The following DPP8 variants were observed in gnomAD, a reference collection of about 807,000 sequenced individuals.
The protein encoded by DPP8 is DPP VIII.
Under a neutral mutation model 107.5 loss-of-function variants are expected in DPP8, and 31 were observed. The observed-to-expected ratio is 0.29, with a 90% CI of 0.22 to 0.39. The LOEUF is 0.39. DPP8 is among the 10% of genes least tolerant of loss of function. DPP8 has a pLI of 1.00. For synonymous variants in DPP8, 381 were observed against 356.6 expected, an observed-to-expected ratio of 1.07 and a Z score of -0.77; for missense variants, 842 against 1,076.1, an observed-to-expected ratio of 0.78 and a Z score of 3.04.
Position 65,490,175 on chromosome 15 carries a change from T to G in DPP8, c.826+14A>C. 5 of 1,305,918 alleles carry G rather than the reference T, an allele frequency of 3.8e-6. No individual in the cohort carries two copies. The highest frequency in any genetic ancestry group is 5.6e-6 in the Non-Finnish European group (5 of 900,020). The allele number at this position is 1,305,918 out of a possible 1,614,324, so 80.9% of individuals were successfully genotyped here. ...TTTAATTGACCCATAATATATTATT[T>G]TGAACCCCCTTACTTGTTTCAGCTT... On this transcript the variant is annotated intron_variant, in intron 6 of 19. Transcript: ENST00000300141.
chr15:65,507,457 G>A (rs1039424384), intron 2 of DPP8, 102 bp from the exon 3 acceptor site: 1 of 656,064 alleles, frequency 1.5e-6, no homozygotes, highest in Non-Finnish European at 2.6e-6. Context: ...GCAATATTTT[G>A]CACTCTATGG....
chr15:65,474,909 A>G (rs2066245588), intron 11 of DPP8, among the ~76,000 whole-genome samples: 1 of 152,262 alleles, frequency 6.6e-6, no homozygotes, highest in Non-Finnish European at 1.5e-5. Context: ...AAACAGCAAA[A>G]GAGATTTTTT....
intron 5 of DPP8, among the ~76,000 whole-genome samples, chr15:65,492,045 G>T (rs1458001345): frequency 6.8e-6 from 1 of 146,886 alleles, no homozygotes; most frequent in African/African-American, 2.5e-5. Context: ...TTATTACTGT[G>T]TAAGAATTTT....
intron 1 of DPP8, chr15:65,515,876 T>C (rs1164429140): frequency 5.3e-6 from 3 of 563,670 alleles, no homozygotes; most frequent in Admixed American, 6.9e-5. Context: ...CCCAAAATAG[T>C]AGTTAAAACT....
At chr15:65,450,905 C>A (rs920521727) in intron 19 of DPP8, 94 bp downstream of exon 19, 2 of 778,698 alleles carry the variant, frequency 2.6e-6, no homozygotes, top group African/African-American at 3.5e-5. Flanking sequence ...GGTGGACACT[C>A]TAAAAATCTG....
chr15:65,458,604 G>A (rs1458912601), intron 15 of DPP8: 1 of 152,126 alleles, frequency 6.6e-6, no homozygotes, highest in Non-Finnish European at 1.5e-5. Flanking sequence ...ATAATGGAAA[G>A]TTTAAGGAAC....
At position 65,456,438 on chromosome 15, in the gene DPP8, T is replaced by C. The variant is rs1345901511; in HGVS notation, c.1972-67A>G. 7 of 1,467,744 alleles carry C rather than the reference T, an allele frequency of 4.8e-6. No homozygotes were observed. The African/African-American group carries it at 5.7e-5, about 12-fold the overall frequency. 90.9% of individuals were successfully genotyped at this position (1,467,744 alleles called of 1,614,324 possible). Reference sequence around the variant, plus strand: ...ATAAAAACCCAAGAGCGGCTGGGCATTGCAAGAAATAGAAAGCTTAATTTC... The same window carrying C: ...ATAAAAACCCAAGAGCGGCTGGGCACTGCAAGAAATAGAAAGCTTAATTTC... On this transcript the variant is annotated intron_variant, in intron 15 of 19. Coordinates refer to ENST00000300141, the MANE Select transcript of DPP8 (RefSeq NM_130434.5).
rs145976889 is a variant in DPP8 at position 65,454,398 on chromosome 15, G to A, written c.2136C>T (p.Asp712=). 210 of 1,595,218 alleles carry A rather than the reference G, an allele frequency of 1.3e-4. No individual in the cohort carries two copies. Among genetic ancestry groups the A allele is most frequent in the Middle Eastern group, 5.0e-4 (3 of 6,030 alleles). ...GATATTGGAGTCCTTCCACCTGATC[G>A]TCAATTTCTATTTGACCCTGTCAAA... ...FKYKMGQIEI[D]DQVEGLQYLA... Residue 712 remains aspartate, a synonymous_variant, in exon 17 of 20, where the codon GAC becomes GAT. Transcript: ENST00000300141.
rs1480498009 is a variant in DPP8, at chr15:65,446,311, AG to A, written c.*572del. 1 of 152,522 alleles carries A rather than the reference AG, an allele frequency of 6.6e-6. No homozygotes were observed. Among genetic ancestry groups the A allele is most frequent in the Admixed American group, 6.6e-5 (1 of 15,254 alleles). 9.4% of individuals were successfully genotyped at this position (152,522 alleles called of 1,614,324 possible). ...GGTCAGTGCCAAAACAAGTGTCTTT[AG>A]GAGGCCACTAAGTTATCCTTGAAAA... On this transcript the variant is annotated 3_prime_UTR_variant, in exon 20 of 20. Coordinates refer to ENST00000300141, the MANE Select transcript of DPP8 (RefSeq NM_130434.5).
intron 2 of DPP8, among the ~76,000 whole-genome samples, chr15:65,509,813 G>A (rs1215222412): frequency 6.6e-6 from 1 of 152,028 alleles, no homozygotes; most frequent in Non-Finnish European, 1.5e-5. Flanking sequence ...TTGAGCTCAG[G>A]AGTTTGAGAT....
At chr15:65,477,620 C>T (rs2066516145) in intron 11 of DPP8, among the ~76,000 whole-genome samples, 1 of 150,120 alleles carries the variant, frequency 6.7e-6, no homozygotes. Flanking sequence ...AGCTCTGCCT[C>T]CCGGGTTCAC....
chr15:65,456,973 G>T (rs1480865255), intron 15 of DPP8, among the ~76,000 whole-genome samples: 1 of 152,106 alleles, frequency 6.6e-6, no homozygotes, highest in Non-Finnish European at 1.5e-5. Context: ...CTTTTGCATG[G>T]CTCATTCCTT....
At chr15:65,466,089 A>T (rs1163910726) in intron 14 of DPP8, among the ~76,000 whole-genome samples, 1 of 152,166 alleles carries the variant, frequency 6.6e-6, no homozygotes, top group Non-Finnish European at 1.5e-5. Context: ...AGAAATCATC[A>T]AAATTTGTGA....
At chr15:65,484,179 T>C (rs1291795013) in intron 8 of DPP8, among the ~76,000 whole-genome samples, 4 of 151,878 alleles carry the variant, frequency 2.6e-5, no homozygotes, top group African/African-American at 9.6e-5. Context: ...ATACAAAAAA[T>C]TGGCTGGGTG....
chr15:65,516,436 A>G (rs1012959819), intron 1 of DPP8: 1 of 152,004 alleles, frequency 6.6e-6, no homozygotes, highest in Non-Finnish European at 1.5e-5. Flanking sequence ...GGCTTAGGAA[A>G]AAAAAAAAAA....
intron 2 of DPP8, 185 bp downstream of exon 2, chr15:65,512,110 T>C: frequency 1.4e-6 from 1 of 730,034 alleles, no homozygotes; most frequent in East Asian, 2.7e-5. Flanking sequence ...ACTTGTTACC[T>C]ACAAGTAAAA....
chr15:65,513,142 C>T (rs892700403), intron 1 of DPP8, among the ~76,000 whole-genome samples: 3 of 152,170 alleles, frequency 2.0e-5, no homozygotes, highest in Admixed American at 6.5e-5. Flanking sequence ...AAACAAAACA[C>T]TTAACTGGCT....
Position 65,507,364 on chromosome 15 carries a change from G to A in DPP8, c.260-9C>T. On this transcript the variant is annotated splice_polypyrimidine_tract_variant and intron_variant, in intron 2 of 19. Transcript: ENST00000300141. ...GTTCTCACCAGACATGGCTATAGGAGAAAGCAATCATTTATTATTATTTTT... is the reference window on the plus strand; with the variant it reads ...GTTCTCACCAGACATGGCTATAGGAAAAAGCAATCATTTATTATTATTTTT... 1 of 1,503,952 alleles carries A rather than the reference G, an allele frequency of 6.6e-7. No homozygotes were observed. The highest frequency in any genetic ancestry group is 9.2e-7 in the Non-Finnish European group (1 of 1,091,656). The allele number at this position is 1,503,952 out of a possible 1,614,324, so 93.2% of individuals were successfully genotyped here.
chr15:65,448,775 ATATC>A (rs1401795678), intron 19 of DPP8, among the ~76,000 whole-genome samples: 1 of 139,954 alleles, frequency 7.1e-6, no homozygotes, highest in African/African-American at 2.6e-5. Context: ...ATATACATAT[ATATC>A]TAAAATATAC....
Sources: allele counts gnomAD v4.1 joint callset (sites outside exome capture counted in the v4.1 genomes callset), GRCh38; gene constraint gnomAD v4.1.1; transcripts MANE v1.5; gene names NCBI Gene and HGNC (gene_info 2026-07-23, HGNC 2026-07-21).